The following POU2F1 variants were observed in gnomAD, a reference collection of about 807,000 sequenced individuals.
POU2F1 encodes the protein POU class 2 homeobox 1.
A neutral mutation model predicts 84.9 loss-of-function variants in POU2F1; 16 were observed. That is an observed-to-expected ratio of 0.19 (90% CI 0.13 to 0.29). POU2F1 has a LOEUF of 0.29. Among genes scored for constraint, POU2F1 ranks in the 10% least tolerant of loss-of-function variants. POU2F1 has a pLI of 1.00. For synonymous variants in POU2F1, 368 were observed against 368.3 expected (o/e 1.00, Z 0.01); for missense variants, 738 against 942.6 (o/e 0.78, Z 2.84).
At position 167,396,441 on chromosome 1, in the gene POU2F1, T is replaced by G. The variant is rs150885844; in HGVS notation, c.1129+14T>G. 8 of 1,609,126 alleles carry G rather than the reference T, an allele frequency of 5.0e-6. No homozygotes were observed. In the Admixed American group the frequency reaches 6.7e-5, roughly 13 times the overall value. On this transcript the variant is annotated intron_variant, in intron 10 of 15. Transcript: ENST00000367866. ...TAAATGATGCAGGTAAGTGACTGTA[T>G]AAGACATTTCTTTGTCATTCATTGG...
intron 1 of POU2F1, among the ~76,000 whole-genome samples, chr1:167,278,734 GT>G (rs1364067648): frequency 2.6e-5 from 4 of 151,796 alleles, no homozygotes; most frequent in Non-Finnish European, 4.4e-5. Flanking sequence ...TTCAGCAAGC[GT>G]TTCAGTGCTT....
At chr1:167,358,387 C>T (rs368742176) in intron 2 of POU2F1, among the ~76,000 whole-genome samples, 26 of 151,868 alleles carry the variant, frequency 1.7e-4, no homozygotes, top group African/African-American at 5.3e-4. Context: ...GTTATGGTAT[C>T]GAGGTTATGC....
chr1:167,294,684 G>T (rs1654167978), intron 1 of POU2F1, among the ~76,000 whole-genome samples: 2 of 152,306 alleles, frequency 1.3e-5, no homozygotes, highest in Non-Finnish European at 2.9e-5. Flanking sequence ...GGAATCATTA[G>T]TCATCAGGGA....
At chr1:167,236,110 T>C (rs989348622) in intron 1 of POU2F1, among the ~76,000 whole-genome samples, 1 of 152,098 alleles carries the variant, frequency 6.6e-6, no homozygotes, top group African/African-American at 2.4e-5. Flanking sequence ...AATTTGGACA[T>C]CTTTTTTTTT....
At chr1:167,364,688 C>T (rs1167800528) in intron 2 of POU2F1, among the ~76,000 whole-genome samples, 1 of 150,868 alleles carries the variant, frequency 6.6e-6, no homozygotes. Context: ...AGCCATTCTC[C>T]CTCAGCCTCT....
At chr1:167,334,823 C>CT (rs1657330340) in intron 2 of POU2F1, among the ~76,000 whole-genome samples, 1 of 152,048 alleles carries the variant, frequency 6.6e-6, no homozygotes, top group Non-Finnish European at 1.5e-5. Context: ...GTTAACTATT[C>CT]TTTTTTTGGT....
chr1:167,408,861 G>A (rs78054436), intron 13 of POU2F1, among the ~76,000 whole-genome samples: 3,071 of 152,256 alleles, frequency 0.02, 105 homozygotes, highest in African/African-American at 0.069. Flanking sequence ...TTGTTAAAAT[G>A]TCTACTAACA....
chr1:167,225,558 T>C (rs902277342), intron 1 of POU2F1, among the ~76,000 whole-genome samples: 5 of 152,236 alleles, frequency 3.3e-5, no homozygotes, highest in Non-Finnish European at 5.9e-5. Flanking sequence ...GTTACGTTGC[T>C]CTTCTCAAGC....
intron 1 of POU2F1, among the ~76,000 whole-genome samples, chr1:167,288,859 A>G (rs989970053): frequency 6.6e-6 from 1 of 152,156 alleles, no homozygotes; most frequent in Non-Finnish European, 1.5e-5. Context: ...AGATTTCACA[A>G]TCATTAAATA....
chr1:167,372,086 G>A (rs1315870524), intron 5 of POU2F1, 50 bp downstream of exon 5: 2 of 1,580,326 alleles, frequency 1.3e-6, no homozygotes, highest in South Asian at 2.3e-5. Context: ...TGTCAGAACT[G>A]CCATTGGCCA....
At position 167,376,073 on chromosome 1, in the gene POU2F1, G is replaced by A; in HGVS notation, c.636G>A (p.Leu212=). The A allele has an allele frequency of 6.2e-7, 1 of 1,614,174 alleles. No homozygotes were observed. Among genetic ancestry groups the A allele is most frequent in the South Asian group, 1.1e-5 (1 of 91,082 alleles). ...LQQLQQQNLN[L]QQFVLVHPTT... is the part of the protein sequence containing the mutation. Reference sequence around the variant, plus strand: ...AGCTTCAACAGCAGAATCTCAACCTGCAACAGTTTGTGTTGGTGCATCCAA... The same window carrying A: ...AGCTTCAACAGCAGAATCTCAACCTACAACAGTTTGTGTTGGTGCATCCAA... The change falls in exon 7 of 16, where the codon CTG becomes CTA. Residue 212 remains leucine, a synonymous_variant. Transcript: ENST00000367866.
At chr1:167,288,501 C>T (rs959583727) in intron 1 of POU2F1, among the ~76,000 whole-genome samples, 8 of 152,014 alleles carry the variant, frequency 5.3e-5, no homozygotes, top group Non-Finnish European at 1.0e-4. Flanking sequence ...CTAGCCCAGG[C>T]AACATAATGA....
In POU2F1 at chr1:167,409,891, A is replaced by G. The variant is rs199557809; in HGVS notation, c.1556-2068A>G. ...AAGGTGAGAAATTGGTCAAAAAAAG[A>G]TTGAAAGTACATTGAAATTGCTTAG... is the stretch of plus-strand genomic sequence containing the variant. On this transcript the variant is annotated intron_variant, in intron 13 of 15. Coordinates refer to ENST00000367866, the MANE Select transcript of POU2F1 (RefSeq NM_002697.4). 3.9e-5 allele frequency among the ~76,000 whole-genome samples: 6 copies of G among 152,232 alleles called. No individual in the cohort carries two copies. In the East Asian group the frequency reaches 9.6e-4, roughly 24 times the overall value.
intron 9 of POU2F1, among the ~76,000 whole-genome samples, chr1:167,392,710 C>G (rs1370753071): frequency 6.6e-6 from 1 of 152,144 alleles, no homozygotes; most frequent in African/African-American, 2.4e-5. Context: ...TTTGGCATGA[C>G]CATTCCTTAT....
chr1:167,389,822 C>G (rs542549729), intron 9 of POU2F1, 61 bp downstream of exon 9: 50 of 1,534,384 alleles, frequency 3.3e-5, no homozygotes, highest in South Asian at 2.3e-4. Flanking sequence ...ACAGTTGGCT[C>G]TCTGTATTCA....
chr1:167,339,117 A>G (rs1401390102), intron 2 of POU2F1, among the ~76,000 whole-genome samples: 1 of 151,992 alleles, frequency 6.6e-6, no homozygotes, highest in African/African-American at 2.4e-5. Context: ...CCCTTCCTCC[A>G]TCTTCAAAGC....
chr1:167,269,171 TA>T (rs531485280), intron 1 of POU2F1, among the ~76,000 whole-genome samples: 8 of 151,920 alleles, frequency 5.3e-5, no homozygotes, highest in Non-Finnish European at 1.2e-4. Context: ...AGTGGGAAAT[TA>T]AAAAAAAGAA....
In POU2F1 at chr1:167,255,998, G is replaced by A. The variant is rs184727844; in HGVS notation, c.61+35040G>A. Among the ~76,000 whole-genome samples the A allele has an allele frequency of 7.5e-4, 114 of 152,286 alleles. 3 individuals are homozygous for A. The highest frequency in any genetic ancestry group is 1.0e-4 in the Non-Finnish European group (7 of 68,014). ...TTTCCTACTTTTAGTCCGTGCTTAC[G>A]GGGTGGTGTTTACTTTGCTTCAGGA... On this transcript the variant is annotated intron_variant, in intron 1 of 15. Coordinates refer to ENST00000367866, the MANE Select transcript of POU2F1 (RefSeq NM_002697.4).
chr1:167,310,264 A>G (rs921621614), intron 1 of POU2F1, among the ~76,000 whole-genome samples: 2 of 152,162 alleles, frequency 1.3e-5, no homozygotes, highest in Non-Finnish European at 2.9e-5. Flanking sequence ...TCCACAACAA[A>G]GAACAACTAA....
Sources: allele counts gnomAD v4.1 joint callset (sites outside exome capture counted in the v4.1 genomes callset), GRCh38; gene constraint gnomAD v4.1.1; transcripts MANE v1.5; gene names NCBI Gene and HGNC (gene_info 2026-07-23, HGNC 2026-07-21).